ADCY8: variants seen among roughly 807,000 people sequenced by gnomAD.
ADCY8 encodes adenylate cyclase 8.
ADCY8 carries 51 observed loss-of-function variants against 119.7 expected under a neutral mutation model. The observed-to-expected ratio is 0.43, with a 90% CI of 0.34 to 0.54. The LOEUF (loss-of-function observed/expected upper bound fraction) is 0.54, where lower values mean the gene tolerates loss of function less well. Ranked by LOEUF, ADCY8 falls within the 20% of genes least tolerant of loss-of-function variation. The pLI is 0.03. For synonymous variants in ADCY8, 665 were observed against 651.0 expected, an observed-to-expected ratio of 1.02 and a Z score of -0.33; for missense variants, 1,383 against 1,598.8, an observed-to-expected ratio of 0.87 and a Z score of 2.30.
chr8:131,025,051 A>T (rs950983990), intron 1 of ADCY8, among the ~76,000 whole-genome samples: 1 of 152,138 alleles, frequency 6.6e-6, no homozygotes, highest in Non-Finnish European at 1.5e-5. Context: ...GCTATCAGAA[A>T]CTCATTTTGA....
chr8:131,040,303 C>T lies in ADCY8; in HGVS notation c.31G>A (p.Gly11Ser). 1 of 1,544,642 alleles carries T rather than the reference C, an allele frequency of 6.5e-7. No homozygotes were observed. The highest frequency in any genetic ancestry group is 8.7e-7 in the Non-Finnish European group (1 of 1,149,998). ...TGGATGGTGTAGAGTTCCTCGCTGC[C>T]TGTAAGGCAGCGCACATCGGAGAGC... MELSDVRCLT[G>S]SEELYTIHPT... Residue 11 changes from glycine to serine, a missense_variant, in exon 1 of 18, where the codon GGC (glycine) becomes AGC (serine). Gly to Ser is a moderately conservative substitution (Grantham distance 56, BLOSUM62 0). This residue lies in a region of ADCY8 where 455 missense variants were observed against 435.3 expected (regional missense o/e 1.05). Transcript: ENST00000286355.
intron 5 of ADCY8, among the ~76,000 whole-genome samples, chr8:130,917,659 T>C (rs1348444429): frequency 6.6e-6 from 1 of 152,186 alleles, no homozygotes; most frequent in Non-Finnish European, 1.5e-5. Context: ...CATTTCCTTG[T>C]TGATCCCGCT....
chr8:130,839,864 G>C (rs962858839), intron 11 of ADCY8, among the ~76,000 whole-genome samples: 6 of 140,172 alleles, frequency 4.3e-5, no homozygotes, highest in Non-Finnish European at 9.7e-5. Context: ...AACCACGGAT[G>C]AGTTTCTTGC....
At chr8:131,023,672 T>A (rs1823742452) in intron 1 of ADCY8, among the ~76,000 whole-genome samples, 1 of 152,234 alleles carries the variant, frequency 6.6e-6, no homozygotes. Context: ...TGACAATGGA[T>A]TAGTTTTGCT....
At chr8:130,814,423 G>A (rs1053740932) in intron 13 of ADCY8, among the ~76,000 whole-genome samples, 196 bp from the exon 14 acceptor site, 3 of 152,168 alleles carry the variant, frequency 2.0e-5, no homozygotes, top group Non-Finnish European at 2.9e-5. Context: ...AGGGATGTGC[G>A]CCTGCCTTTC....
At chr8:130,784,931 T>A (rs1173516444) in intron 16 of ADCY8, among the ~76,000 whole-genome samples, 1 of 152,134 alleles carries the variant, frequency 6.6e-6, no homozygotes, top group Non-Finnish European at 1.5e-5. Context: ...AGATAATTCA[T>A]CCATTAACCC....
chr8:130,979,226 C>T (rs1822165650), intron 2 of ADCY8, among the ~76,000 whole-genome samples: 1 of 152,158 alleles, frequency 6.6e-6, no homozygotes, highest in African/African-American at 2.4e-5. Flanking sequence ...GGACATATCA[C>T]TGTGGGTGGG....
intron 1 of ADCY8, among the ~76,000 whole-genome samples, chr8:131,007,838 G>A (rs1888082): frequency 0.56 from 84,371 of 151,948 alleles, 24,245 homozygotes; most frequent in East Asian, 0.78. Context: ...GGTGAGGAAG[G>A]CAGACAATTA....
intron 1 of ADCY8, among the ~76,000 whole-genome samples, chr8:131,019,757 TTACTATC>T (rs1461846647): frequency 6.6e-6 from 1 of 151,920 alleles, no homozygotes; most frequent in East Asian, 1.9e-4. Context: ...TTCATTGCTC[TTACTATC>T]TGCTGGGAAA....
chr8:131,039,399 C>T lies in ADCY8; in HGVS notation c.935G>A (p.Arg312Gln), dbSNP rs202036797. Residue 312 changes from arginine to glutamine, a missense_variant, in exon 1 of 18, where the codon CGG (arginine) becomes CAG (glutamine). By Grantham distance (43) the Arg-to-Gln change is conservative. Coordinates refer to ENST00000286355, the MANE Select transcript of ADCY8 (RefSeq NM_001115.3). ...LQVILQVVIP[R>Q]LAVISINQVV... ...CTGGTTGATGGAAATGACCGCCAGC[C>T]GGGGTATGACCACTTGGAGGATGAC... The T allele has an allele frequency of 7.4e-6, 12 of 1,613,346 alleles. No homozygotes were observed. Among genetic ancestry groups the T allele is most frequent in the Middle Eastern group, 1.7e-4 (1 of 6,054 alleles).
At chr8:130,896,193 A>G (rs770649748) in intron 7 of ADCY8, among the ~76,000 whole-genome samples, 1 of 152,294 alleles carries the variant, frequency 6.6e-6, no homozygotes, top group Admixed American at 6.5e-5. Context: ...CAATGTTCAC[A>G]GTGAGCCTGC....
chr8:130,837,764 AT>A (rs574670846), intron 11 of ADCY8, among the ~76,000 whole-genome samples: 85 of 152,378 alleles, frequency 5.6e-4, no homozygotes, highest in Middle Eastern at 3.4e-3. Flanking sequence ...TTGTGGCAAT[AT>A]TGTGATCTCT....
chr8:130,802,619 C>T (rs1452806907), intron 14 of ADCY8, among the ~76,000 whole-genome samples: 1 of 152,202 alleles, frequency 6.6e-6, no homozygotes, highest in Admixed American at 6.5e-5. Flanking sequence ...TTATTGTCTG[C>T]AACTCCCCAG....
intron 2 of ADCY8, among the ~76,000 whole-genome samples, chr8:130,974,978 A>C (rs6415528): frequency 6.6e-6 from 1 of 151,894 alleles, no homozygotes; most frequent in African/African-American, 2.4e-5. Context: ...AGCTAACAGC[A>C]GTGGCAATGG....
intron 9 of ADCY8, among the ~76,000 whole-genome samples, chr8:130,860,993 C>T (rs969988675): frequency 6.6e-6 from 1 of 152,174 alleles, no homozygotes; most frequent in Admixed American, 6.5e-5. Context: ...ATTTTCTTAA[C>T]ATCTTTGCTA....
At chr8:131,021,501 T>A (rs1219493000) in intron 1 of ADCY8, among the ~76,000 whole-genome samples, 2 of 152,054 alleles carry the variant, frequency 1.3e-5, no homozygotes, top group Admixed American at 1.3e-4. Context: ...CAAAATAAAG[T>A]TTGGTTCTAT....
chr8:130,886,633 T>C (rs574429910), intron 7 of ADCY8, among the ~76,000 whole-genome samples: 4 of 152,154 alleles, frequency 2.6e-5, no homozygotes, highest in Non-Finnish European at 5.9e-5. Context: ...TGTCCTCGTC[T>C]GACCATACAT....
At chr8:130,895,828 T>C (rs1171824243) in intron 7 of ADCY8, among the ~76,000 whole-genome samples, 1 of 152,182 alleles carries the variant, frequency 6.6e-6, no homozygotes, top group Admixed American at 6.5e-5. Flanking sequence ...TGTGATTCTC[T>C]GCATATTTAT....
intron 14 of ADCY8, among the ~76,000 whole-genome samples, chr8:130,801,175 G>T (rs1815765205): frequency 6.6e-6 from 1 of 152,188 alleles, no homozygotes; most frequent in Admixed American, 6.5e-5. Flanking sequence ...AGTTCTGACT[G>T]CCAGTTCATT....
Sources: allele counts gnomAD v4.1 joint callset (sites outside exome capture counted in the v4.1 genomes callset), GRCh38; gene constraint gnomAD v4.1.1; regional missense constraint gnomAD v4.1.1; transcripts MANE v1.5; gene names NCBI Gene and HGNC (gene_info 2026-07-23, HGNC 2026-07-21).